The following OIT3 variants were observed in gnomAD, a reference collection of about 807,000 sequenced individuals.
OIT3 encodes the protein oncoprotein-induced transcript 3 protein.
Under a neutral mutation model 52.2 loss-of-function variants are expected in OIT3, and 41 were observed. The observed-to-expected ratio is 0.79, with a 90% CI of 0.61 to 1.02. The LOEUF (loss-of-function observed/expected upper bound fraction) is 1.02. OIT3 is among the 50% of genes least tolerant of loss of function. The pLI is 0.00. For missense variants in OIT3, 634 were observed against 715.5 expected (o/e 0.89, Z 1.30); for synonymous variants, 244 against 276.9 (o/e 0.88, Z 1.18).
chr10:72,913,486 G>C lies in OIT3; in HGVS notation c.951+18G>C. ...TGGTCGATGTAGGTTCCTCCTGGAG[G>C]GCACTTGGGGAATGACCAAAAGCCG... On this transcript the variant is annotated intron_variant, in intron 6 of 8. Transcript: ENST00000334011. The C allele has an allele frequency of 6.3e-7, 1 of 1,592,178 alleles. No individual in the cohort carries two copies. The highest frequency in any genetic ancestry group is 8.6e-7 in the Non-Finnish European group (1 of 1,163,296).
chr10:72,926,967 A>C (rs1589531334), intron 7 of OIT3, among the ~76,000 whole-genome samples: 1 of 152,290 alleles, frequency 6.6e-6, no homozygotes, highest in East Asian at 1.9e-4. Flanking sequence ...AAGATAATGA[A>C]CATTTTTCTC....
chr10:72,917,789 T>G, intron 6 of OIT3: 3 of 1,453,286 alleles, frequency 2.1e-6, no homozygotes, highest in Non-Finnish European at 2.9e-6. Flanking sequence ...TAATGTCTTC[T>G]ACAGAACTAG....
At chr10:72,917,398 C>T (rs1419452254) in intron 6 of OIT3, among the ~76,000 whole-genome samples, 1 of 152,052 alleles carries the variant, frequency 6.6e-6, no homozygotes, top group Non-Finnish European at 1.5e-5. Flanking sequence ...ACCGCTACTA[C>T]GATGTCCTAT....
intron 1 of OIT3, among the ~76,000 whole-genome samples, chr10:72,894,107 A>G (rs1845853223): frequency 1.3e-5 from 2 of 152,214 alleles, no homozygotes; most frequent in African/African-American, 4.8e-5. Context: ...CTAGCTAAAG[A>G]GTTCCTGGAG....
Position 72,898,683 on chromosome 10 carries a change from T to C in OIT3, c.81T>C (p.Ala27=), listed in dbSNP as rs1564588708. The change falls in exon 2 of 9, where the codon GCT becomes GCC. Residue 27 remains alanine, a synonymous_variant. Transcript: ENST00000334011. The part of the protein sequence containing the change: ...VSPVALDPCS[A]YISLNEPWRN... ...TTCCAGCCCTAGATCCTTGTTCTGC[T>C]TACATCAGCCTGAATGAGCCCTGGA... 1 of 1,612,544 alleles carries C rather than the reference T, an allele frequency of 6.2e-7. No homozygotes were observed. Among genetic ancestry groups the C allele is most frequent in the African/African-American group, 1.3e-5 (1 of 75,006 alleles).
intron 6 of OIT3, among the ~76,000 whole-genome samples, chr10:72,920,089 T>G (rs1010458918): frequency 6.6e-6 from 1 of 152,172 alleles, no homozygotes; most frequent in African/African-American, 2.4e-5. Flanking sequence ...GGCTTTTTTT[T>G]GGTTGTAGGC....
At chr10:72,924,112 A>G in intron 6 of OIT3, 117 bp from the exon 7 acceptor site, 2 of 919,556 alleles carry the variant, frequency 2.2e-6, no homozygotes, top group Non-Finnish European at 1.6e-6. Flanking sequence ...ATCCTTAGGC[A>G]ACCAAATCTC....
At chr10:72,918,163 A>T in intron 6 of OIT3, 1 of 1,268,758 alleles carries the variant, frequency 7.9e-7, no homozygotes, top group Non-Finnish European at 1.1e-6. Context: ...TCACCTTCTG[A>T]CTCTGCATCT....
At chr10:72,904,424 G>C (rs1338370330) in intron 3 of OIT3, among the ~76,000 whole-genome samples, 1 of 152,156 alleles carries the variant, frequency 6.6e-6, no homozygotes, top group Non-Finnish European at 1.5e-5. Context: ...CCCAAGCACG[G>C]ATGTCACCAT....
chr10:72,904,801 A>C (rs1845964458), intron 3 of OIT3, among the ~76,000 whole-genome samples: 1 of 152,128 alleles, frequency 6.6e-6, no homozygotes, highest in Admixed American at 6.5e-5. Context: ...TCTGTAGGAC[A>C]CCACTCGTGT....
At chr10:72,917,568 C>G in intron 6 of OIT3, 1 of 713,876 alleles carries the variant, frequency 1.4e-6, no homozygotes, top group African/African-American at 1.7e-5. Context: ...AAAGGGACAG[C>G]CAGATATCAA....
At chr10:72,901,422 A>C (rs1036783007) in intron 3 of OIT3, among the ~76,000 whole-genome samples, 22 of 152,154 alleles carry the variant, frequency 1.4e-4, no homozygotes, top group Admixed American at 2.0e-4. Context: ...AAACCCCAAG[A>C]TTGAATATTA....
At chr10:72,910,903 A>G (rs552889025) in intron 4 of OIT3, among the ~76,000 whole-genome samples, 1 of 152,344 alleles carries the variant, frequency 6.6e-6, no homozygotes, top group South Asian at 2.1e-4. Context: ...GTGCCAATAA[A>G]ACTTTATTTG....
chr10:72,915,025 C>A (rs1846061628), intron 6 of OIT3, among the ~76,000 whole-genome samples: 1 of 152,082 alleles, frequency 6.6e-6, no homozygotes, highest in Non-Finnish European at 1.5e-5. Context: ...GCCACCATGC[C>A]TGGCTAATTT....
At chr10:72,901,636 C>A (rs945996097) in intron 3 of OIT3, among the ~76,000 whole-genome samples, 1 of 152,014 alleles carries the variant, frequency 6.6e-6, no homozygotes, top group Admixed American at 6.6e-5. Flanking sequence ...GTTTTTGAGA[C>A]AGGATCTTGC....
At chr10:72,914,944 C>A (rs182145754) in intron 6 of OIT3, among the ~76,000 whole-genome samples, 7 of 152,110 alleles carry the variant, frequency 4.6e-5, no homozygotes, top group Non-Finnish European at 8.8e-5. Context: ...TGACTCACTG[C>A]AACCTCTGCC....
At chr10:72,904,131 C>G (rs964561558) in intron 3 of OIT3, among the ~76,000 whole-genome samples, 3 of 152,134 alleles carry the variant, frequency 2.0e-5, no homozygotes, top group Non-Finnish European at 4.4e-5. Flanking sequence ...CTGTTCTGTT[C>G]TGATTACCGG....
At chr10:72,901,595 G>A (rs2091813353) in intron 3 of OIT3, among the ~76,000 whole-genome samples, 1 of 152,062 alleles carries the variant, frequency 6.6e-6, no homozygotes, top group South Asian at 2.1e-4. Flanking sequence ...GAGCATAAAA[G>A]GCTTATTGGT....
At chr10:72,902,191 T>C (rs1845940428) in intron 3 of OIT3, among the ~76,000 whole-genome samples, 1 of 152,182 alleles carries the variant, frequency 6.6e-6, no homozygotes, top group African/African-American at 2.4e-5. Context: ...TGTGATTTAA[T>C]GCTAAATGCC....
Sources: gnomAD v4.1 joint callset for allele counts (sites outside exome capture counted in the v4.1 genomes callset) on GRCh38, gnomAD v4.1.1 for gene constraint, MANE v1.5 for transcripts, NCBI Gene and HGNC (gene_info 2026-07-23, HGNC 2026-07-21) for gene names.